Variants in DAB1 observed in about 807,000 individuals in gnomAD.
The protein encoded by DAB1 is disabled homolog 1.
In DAB1, 15 loss-of-function variants were observed where a neutral mutation model predicts 64.6. That is an observed-to-expected ratio of 0.23 (90% confidence interval 0.16 to 0.36). The LOEUF (loss-of-function observed/expected upper bound fraction) is 0.36, where lower values mean the gene tolerates loss of function less well. Ranked by LOEUF, DAB1 falls within the 10% of genes least tolerant of loss-of-function variation. The probability of loss-of-function intolerance (pLI) is 1.00; values close to 1 mark genes in which losing one functional copy is unlikely to be tolerated. For missense variants in DAB1, 596 were observed against 706.7 expected (o/e 0.84, Z 1.78); for synonymous variants, 235 against 251.9 (o/e 0.93, Z 0.64).
chr1:57,689,603 AT>A (rs2101710904), intron 6 of DAB1, among the ~76,000 whole-genome samples: 1 of 152,246 alleles, frequency 6.6e-6, no homozygotes, highest in Non-Finnish European at 1.5e-5. Flanking sequence ...AACAAGTCAA[AT>A]GCTATGATTA....
In DAB1 at chr1:58,356,434, T is replaced by C. The variant is rs1644112233; in HGVS notation, n.258-13031A>G. The stretch of plus-strand genomic sequence containing the variant: ...TAACAAACAAACAATACAAAGTCAG[T>C]GTTGTGTACTATGCAGATCATTATT... On this transcript the variant is annotated intron_variant and non_coding_transcript_variant, in intron 3 of 20. Coordinates refer to the DAB1 transcript ENST00000485760. Among the ~76,000 whole-genome samples the C allele has an allele frequency of 3.9e-5, 6 of 152,080 alleles. No individual in the cohort carries two copies. The South Asian group carries it at 1.0e-3, about 26-fold the overall frequency.
intron 6 of DAB1, among the ~76,000 whole-genome samples, chr1:57,808,307 G>A (rs1651463180): frequency 6.6e-6 from 1 of 151,888 alleles, no homozygotes; most frequent in Admixed American, 6.6e-5. Context: ...ACTATTCTTT[G>A]AATCTTAGCC....
intron 7 of DAB1, among the ~76,000 whole-genome samples, chr1:57,547,974 T>A (rs778224348): frequency 6.6e-6 from 1 of 152,188 alleles, no homozygotes; most frequent in Non-Finnish European, 1.5e-5. Context: ...ATTGAGTGAA[T>A]GAATAAATGA....
intron 1 of DAB1, among the ~76,000 whole-genome samples, chr1:57,399,809 G>A (rs543074611): frequency 6.6e-6 from 1 of 152,292 alleles, no homozygotes; most frequent in East Asian, 1.9e-4. Flanking sequence ...AAAATCATAT[G>A]CATCAGCTCC....
At chr1:57,337,984 C>CCTT (rs200412535) in intron 1 of DAB1, among the ~76,000 whole-genome samples, 3 of 150,346 alleles carry the variant, frequency 2.0e-5, no homozygotes, top group African/African-American at 7.3e-5. Context: ...TCCTCCTCCT[C>CCTT]CTTCTTCTTC....
At chr1:57,211,868 G>C (rs1666033886) in intron 2 of DAB1, among the ~76,000 whole-genome samples, 1 of 152,158 alleles carries the variant, frequency 6.6e-6, no homozygotes, top group South Asian at 2.1e-4. Flanking sequence ...TAAAGAATAT[G>C]GTAAGATGTG....
At chr1:57,795,731 A>ATATATATATCTATC (rs1650827811) in intron 6 of DAB1, among the ~76,000 whole-genome samples, 1 of 113,014 alleles carries the variant, frequency 8.8e-6, no homozygotes, top group African/African-American at 3.4e-5. Context: ...ATATATATAT[A>ATATATATATCTATC]TATCATACAC....
chr1:57,318,315 G>C (rs1008876259), intron 1 of DAB1, among the ~76,000 whole-genome samples: 6 of 152,050 alleles, frequency 3.9e-5, no homozygotes, highest in African/African-American at 1.4e-4. Flanking sequence ...AAAGAAAATT[G>C]GTTGTTTCTT....
intron 2 of DAB1, among the ~76,000 whole-genome samples, chr1:58,508,460 A>G (rs1205613969): frequency 6.6e-6 from 1 of 152,158 alleles, no homozygotes; most frequent in African/African-American, 2.4e-5. Flanking sequence ...CTGCACCTGC[A>G]CAAGTACGAA....
chr1:58,430,839 A>T (rs191971191), intron 3 of DAB1, among the ~76,000 whole-genome samples: 2 of 152,360 alleles, frequency 1.3e-5, no homozygotes, highest in African/African-American at 4.8e-5. Flanking sequence ...GTAACCAAGT[A>T]CTTAGCTAAA....
intron 5 of DAB1, among the ~76,000 whole-genome samples, chr1:57,903,458 G>A (rs943239678): frequency 6.6e-6 from 1 of 152,048 alleles, no homozygotes; most frequent in Admixed American, 6.6e-5. Flanking sequence ...TTTTGGTTGA[G>A]TATTCATCAA....
chr1:57,675,081 C>T (rs1646550402), intron 6 of DAB1, among the ~76,000 whole-genome samples: 1 of 152,170 alleles, frequency 6.6e-6, no homozygotes, highest in Non-Finnish European at 1.5e-5. Context: ...ATTACAATTT[C>T]TATGAAGCAG....
chr1:57,988,463 C>T (rs973442455), intron 5 of DAB1, among the ~76,000 whole-genome samples: 17 of 152,154 alleles, frequency 1.1e-4, no homozygotes, highest in South Asian at 4.1e-4. Context: ...GGTAAACTTC[C>T]TGGAACATAG....
intron 2 of DAB1, among the ~76,000 whole-genome samples, chr1:57,163,551 G>A (rs74074239): frequency 0.097 from 14,739 of 151,952 alleles, 859 homozygotes; most frequent in South Asian, 0.26. Context: ...TGAGTGCAAT[G>A]GAAAGCCACG....
chr1:58,443,687 A>T (rs1297135983), intron 3 of DAB1, among the ~76,000 whole-genome samples: 1 of 152,210 alleles, frequency 6.6e-6, no homozygotes, highest in Non-Finnish European at 1.5e-5. Flanking sequence ...GCAAATCTAG[A>T]TATTCTTAAA....
chr1:58,464,172 T>C (rs934416448), intron 3 of DAB1, among the ~76,000 whole-genome samples: 1 of 152,210 alleles, frequency 6.6e-6, no homozygotes, highest in Non-Finnish European at 1.5e-5. Context: ...AGCATTTTTG[T>C]TGTTTAATTA....
chr1:58,188,333 A>C (rs1657202773), intron 4 of DAB1, among the ~76,000 whole-genome samples: 1 of 152,262 alleles, frequency 6.6e-6, no homozygotes, highest in Non-Finnish European at 1.5e-5. Context: ...AAAATGTTTG[A>C]TAGAGAATCG....
chr1:57,613,445 C>T (rs1558541802), intron 7 of DAB1, among the ~76,000 whole-genome samples: 1 of 152,094 alleles, frequency 6.6e-6, no homozygotes, highest in Non-Finnish European at 1.5e-5. Context: ...ATGTGCACCC[C>T]ATGTATAAAA....
intron 4 of DAB1, among the ~76,000 whole-genome samples, chr1:58,249,260 C>T (rs1027317704): frequency 6.6e-6 from 1 of 152,078 alleles, no homozygotes; most frequent in South Asian, 2.1e-4. Flanking sequence ...TCTTTTTAAT[C>T]TTAAATTCCC....
Sources: gnomAD v4.1 joint callset for allele counts (sites outside exome capture counted in the v4.1 genomes callset) on GRCh38, gnomAD v4.1.1 for gene constraint, MANE v1.5 for transcripts, NCBI Gene and HGNC (gene_info 2026-07-23, HGNC 2026-07-21) for gene names.